SLC16A2: variants seen among roughly 807,000 people sequenced by gnomAD.
The protein encoded by SLC16A2 is monocarboxylate transporter 8.
Under a neutral mutation model 27.2 loss-of-function variants are expected in SLC16A2, and 3 were observed. That is an observed-to-expected ratio of 0.11 (90% CI 0.05 to 0.28). The LOEUF (loss-of-function observed/expected upper bound fraction) is 0.28, where lower values mean the gene tolerates loss of function less well. Ranked by LOEUF, SLC16A2 falls within the 10% of genes least tolerant of loss-of-function variation. The pLI, the probability that SLC16A2 is intolerant of heterozygous loss-of-function variation, is 1.00. For missense variants in SLC16A2, 295 were observed against 458.5 expected (o/e 0.64, Z 3.26); for synonymous variants, 202 against 187.8 (o/e 1.08, Z -0.62).
chrX:74,524,365 A>G lies in SLC16A2; in HGVS notation c.582A>G (p.Leu194=), dbSNP rs1382970093. 3.3e-6 allele frequency: 4 copies of G among 1,211,139 alleles called. No individual in the cohort carries two copies. The highest frequency in any genetic ancestry group is 4.5e-6 in the Non-Finnish European group (4 of 895,260). Reference sequence around the variant, plus strand: ...CTTGGTATTTCTCCCACAGCTCCCTAAGCCTGCGCTACTTCACCTACGGGA... The same window carrying G: ...CTTGGTATTTCTCCCACAGCTCCCTGAGCCTGCGCTACTTCACCTACGGGA... ...GLHTSSFTSS[L]SLRYFTYGIL... The change falls in exon 3 of 6, where the codon CTA becomes CTG. Residue 194 remains leucine, a synonymous_variant. Transcript: ENST00000587091.
At chrX:74,508,930 T>C (rs1212986699) in intron 1 of SLC16A2, among the ~76,000 whole-genome samples, 1 of 104,299 alleles carries the variant, frequency 9.6e-6, no homozygotes, top group African/African-American at 3.4e-5. Context: ...ATAGAATTAG[T>C]GAGAGCAGAC....
chrX:74,527,900 T>A (rs924996241), intron 4 of SLC16A2, among the ~76,000 whole-genome samples: 2 of 112,058 alleles, frequency 1.8e-5, no homozygotes, highest in Non-Finnish European at 3.8e-5. Context: ...GTGAATCTCT[T>A]AGAGGAGAAG....
intron 1 of SLC16A2, among the ~76,000 whole-genome samples, chrX:74,464,972 G>A (rs1369137650): frequency 9.0e-6 from 1 of 111,710 alleles, no homozygotes; most frequent in East Asian, 2.8e-4. Context: ...CAGACCTATT[G>A]CTCCTCCATG....
intron 1 of SLC16A2, among the ~76,000 whole-genome samples, chrX:74,441,593 G>T (rs1403771320): frequency 9.0e-6 from 1 of 111,679 alleles, no homozygotes; most frequent in Non-Finnish European, 1.9e-5. Context: ...TTTGACAAAT[G>T]GCTGATCCAC....
chrX:74,457,697 T>C (rs955343549), intron 1 of SLC16A2, among the ~76,000 whole-genome samples: 3 of 111,569 alleles, frequency 2.7e-5, no homozygotes, highest in East Asian at 2.8e-4. Flanking sequence ...ACAAGGAATG[T>C]CTCTTCTTTG....
At chrX:74,485,148 G>A (rs1602126825) in intron 1 of SLC16A2, among the ~76,000 whole-genome samples, 2 of 107,031 alleles carry the variant, frequency 1.9e-5, no homozygotes, top group Admixed American at 1.0e-4. Flanking sequence ...CCTGGGAGGC[G>A]GAGGTTGCAG....
intron 1 of SLC16A2, among the ~76,000 whole-genome samples, chrX:74,501,457 A>C (rs1007323441): frequency 9.0e-6 from 1 of 111,542 alleles, no homozygotes; most frequent in Non-Finnish European, 1.9e-5. Context: ...GTTGATGAAA[A>C]GACTTTTCAG....
chrX:74,442,474 G>A (rs1044906246), intron 1 of SLC16A2, among the ~76,000 whole-genome samples: 30 of 111,851 alleles, frequency 2.7e-4, no homozygotes, highest in African/African-American at 9.4e-4. Flanking sequence ...ACAAAAGAGT[G>A]TGGGATGCTG....
chrX:74,508,240 A>C (rs1233856830), intron 1 of SLC16A2, among the ~76,000 whole-genome samples: 1 of 111,789 alleles, frequency 8.9e-6, no homozygotes, highest in Non-Finnish European at 1.9e-5. Flanking sequence ...CAACTTGCAA[A>C]ATTCTATCAA....
At chrX:74,431,198 A>G (rs1199180636) in intron 1 of SLC16A2, among the ~76,000 whole-genome samples, 1 of 112,930 alleles carries the variant, frequency 8.9e-6, no homozygotes, top group African/African-American at 3.2e-5. Context: ...ATAGTAGCAA[A>G]GACATGGAAT....
intron 1 of SLC16A2, among the ~76,000 whole-genome samples, chrX:74,447,494 G>A (rs763926190): frequency 9.1e-6 from 1 of 110,102 alleles, no homozygotes; most frequent in South Asian, 4.0e-4. Flanking sequence ...ACAATATAGC[G>A]AGACCCTGTC....
intron 1 of SLC16A2, among the ~76,000 whole-genome samples, chrX:74,437,259 C>T (rs954150037): frequency 8.9e-6 from 1 of 112,277 alleles, no homozygotes; most frequent in Non-Finnish European, 1.9e-5. Context: ...ATAAGGCCCC[C>T]TGCAGGAAGC....
At chrX:74,486,979 G>A (rs1023594632) in intron 1 of SLC16A2, among the ~76,000 whole-genome samples, 3 of 111,817 alleles carry the variant, frequency 2.7e-5, no homozygotes, top group African/African-American at 6.5e-5. Context: ...GCAAACTATC[G>A]AAAGGATTAT....
chrX:74,442,069 A>G (rs974483862), intron 1 of SLC16A2, among the ~76,000 whole-genome samples: 2 of 109,364 alleles, frequency 1.8e-5, no homozygotes, highest in Non-Finnish European at 3.8e-5. Flanking sequence ...TCTCTACTAG[A>G]AACACAAAAT....
At chrX:74,485,846 G>A (rs748210884) in intron 1 of SLC16A2, among the ~76,000 whole-genome samples, 9 of 109,818 alleles carry the variant, frequency 8.2e-5, no homozygotes, top group Non-Finnish European at 1.5e-4. Flanking sequence ...ACACCCTGCC[G>A]GATCCGGAGG....
intron 1 of SLC16A2, among the ~76,000 whole-genome samples, chrX:74,518,155 C>T (rs529869105): frequency 3.6e-5 from 4 of 112,147 alleles, no homozygotes; most frequent in East Asian, 2.8e-4. Context: ...AGTGGGTTTT[C>T]GGGATCATGG....
intron 5 of SLC16A2, 32 bp from the exon 6 acceptor site, chrX:74,531,301 T>G (rs1930564865): frequency 1.2e-4 from 139 of 1,152,015 alleles, no homozygotes; most frequent in Non-Finnish European, 1.6e-4. Flanking sequence ...AGGGCAAAGC[T>G]GAGCTTGACT....
intron 1 of SLC16A2, among the ~76,000 whole-genome samples, chrX:74,486,570 T>A (rs915298095): frequency 1.6e-4 from 18 of 111,790 alleles, no homozygotes; most frequent in African/African-American, 5.9e-4. Flanking sequence ...ATCATTAAAA[T>A]GTCAGGAAAC....
At chrX:74,473,665 A>C in intron 1 of SLC16A2, 2 of 1,081,105 alleles carry the variant, frequency 1.8e-6, no homozygotes, top group Non-Finnish European at 2.5e-6. Context: ...GTCTTTGAGA[A>C]TCTTCTCTTG....
Sources: gnomAD v4.1 joint callset for allele counts (sites outside exome capture counted in the v4.1 genomes callset) on GRCh38, gnomAD v4.1.1 for gene constraint, MANE v1.5 for transcripts, NCBI Gene and HGNC (gene_info 2026-07-23, HGNC 2026-07-21) for gene names.